Variants in POLR1C observed in about 807,000 individuals in gnomAD.
The protein encoded by POLR1C is DNA-directed RNA polymerases I and III subunit RPAC1.
In POLR1C, 42 loss-of-function variants were observed where a neutral mutation model predicts 38.3. That is an observed-to-expected ratio of 1.10 (90% CI 0.86 to 1.42). POLR1C has a LOEUF of 1.42. Ranked by LOEUF, POLR1C falls within the 40% of genes most tolerant of loss-of-function variation. POLR1C has a pLI of 0.00. For synonymous variants in POLR1C, 163 were observed against 163.9 expected, an observed-to-expected ratio of 0.99 and a Z score of 0.04; for missense variants, 507 against 450.5, an observed-to-expected ratio of 1.13 and a Z score of -1.14.
chr6:43,539,640 G>A (rs1471321614), intron 9 of POLR1C: 16 of 1,316,998 alleles, frequency 1.2e-5, no homozygotes, highest in Middle Eastern at 5.1e-4. Flanking sequence ...AAGCCACCGC[G>A]GTTCCCCATC....
chr6:43,534,055 G>GA (rs746121916), downstream of POLR1C: 2 of 1,454,528 alleles, frequency 1.4e-6, no homozygotes, highest in Non-Finnish European at 1.9e-6. Flanking sequence ...GATGCAGAAG[G>GA]AAAGAGTGGG....
chr6:43,539,783 G>C, intron 9 of POLR1C: 1 of 578,514 alleles, frequency 1.7e-6, no homozygotes, highest in South Asian at 2.3e-5. Context: ...TCTGTTCCTT[G>C]AAGGTCTGGG....
chr6:43,544,933 C>T (rs1285247334), intron 9 of POLR1C, among the ~76,000 whole-genome samples: 2 of 152,058 alleles, frequency 1.3e-5, no homozygotes, highest in African/African-American at 2.4e-5. Flanking sequence ...AGTGCAGTGG[C>T]GTGATCTTAG....
At chr6:43,562,081 C>G (rs1044293479) in exon 11 of POLR1C, 8 of 509,836 alleles carry the variant, frequency 1.6e-5, no homozygotes, top group Non-Finnish European at 2.1e-5. Context: ...CACTCAAACA[C>G]TATTCTATTA....
At chr6:43,519,518 C>T in intron 3 of POLR1C, 78 bp downstream of exon 3, 1 of 1,355,300 alleles carries the variant, frequency 7.4e-7, no homozygotes. Context: ...TTAAGTGTCT[C>T]AAGCTGTCCT....
In POLR1C at chr6:43,526,569, T is replaced by C. The variant is rs1282376015; in HGVS notation, c.923-2680T>C. 2.6e-6 allele frequency: 3 copies of C among 1,169,800 alleles called. No individual in the cohort carries two copies. The East Asian group carries it at 7.6e-5, about 30-fold the overall frequency. The allele number at this position is 1,169,800 out of a possible 1,614,324, so 72.5% of individuals were successfully genotyped here. A position where few individuals can be genotyped will look rare whatever the true frequency, so the allele number is the denominator to read the frequency against. On this transcript the variant is annotated intron_variant, in intron 8 of 8. Coordinates refer to the POLR1C transcript ENST00000304004. Reference sequence around the variant, plus strand: ...AGCAAGAGGGCTGGTCCAGAGATGATAACTACATGTAGGGTGTCTTCTCCT... The same window carrying C: ...AGCAAGAGGGCTGGTCCAGAGATGACAACTACATGTAGGGTGTCTTCTCCT...
rs371057107 is a variant in POLR1C at position 43,520,560 on chromosome 6, TAGG to T, written c.656-59_656-57del. 2,161 of 1,605,452 alleles carry T rather than the reference TAGG, an allele frequency of 1.3e-3. 19 individuals are homozygous for T. The African/African-American group carries it at 0.023, about 17-fold the overall frequency. On this transcript the variant is annotated intron_variant, in intron 6 of 8. Transcript: ENST00000642195. ...GGTTGTGCTTTTGCTGTTAGTAGCTTAGGAGGAGTATTCTTCCTAACCCTAGAA... is the reference window on the plus strand; with the variant it reads ...GGTTGTGCTTTTGCTGTTAGTAGCTTAGGAGTATTCTTCCTAACCCTAGAA...
intron 9 of POLR1C, among the ~76,000 whole-genome samples, chr6:43,539,904 T>C (rs1365570034): frequency 1.3e-5 from 2 of 152,238 alleles, no homozygotes; most frequent in African/African-American, 4.8e-5. Flanking sequence ...CTTGTTGAGT[T>C]AGAATAAGTT....
intron 9 of POLR1C, among the ~76,000 whole-genome samples, chr6:43,536,685 G>A (rs374223202): frequency 4.9e-5 from 7 of 141,498 alleles, no homozygotes; most frequent in Admixed American, 2.9e-4. Flanking sequence ...GCTTGAACCC[G>A]GGAGGCAGAG....
downstream of POLR1C, chr6:43,526,207 A>T (rs1793577880): frequency 2.2e-6 from 1 of 446,130 alleles, no homozygotes; most frequent in African/African-American, 2.0e-5. Flanking sequence ...TGAGCACCAG[A>T]CACTGATTTA....
downstream of POLR1C, chr6:43,525,761 C>T (rs942520963): frequency 4.8e-6 from 7 of 1,456,388 alleles, no homozygotes; most frequent in Non-Finnish European, 5.6e-6. Flanking sequence ...CTCTTGATAG[C>T]ACCATAGAGC....
At chr6:43,543,504 T>A (rs1456616047) in intron 9 of POLR1C, among the ~76,000 whole-genome samples, 3 of 152,028 alleles carry the variant, frequency 2.0e-5, no homozygotes, top group African/African-American at 7.3e-5. Context: ...AGAATAGTAG[T>A]TATCTTTGAG....
At chr6:43,562,063 ATT>A (rs1180481705) in exon 11 of POLR1C, 1 of 453,890 alleles carries the variant, frequency 2.2e-6, no homozygotes, top group East Asian at 3.4e-5. Context: ...GTTAAAAGAA[ATT>A]TAGATCACTC....
intron 10 of POLR1C, among the ~76,000 whole-genome samples, chr6:43,559,310 G>A (rs1762280126): frequency 6.6e-6 from 1 of 152,090 alleles, no homozygotes; most frequent in African/African-American, 2.4e-5. Flanking sequence ...AAAAAACACA[G>A]AACACCAGTG....
downstream of POLR1C, chr6:43,534,083 T>G: frequency 8.7e-7 from 1 of 1,153,054 alleles, no homozygotes; most frequent in South Asian, 1.2e-5. Context: ...TGTAATCCAG[T>G]GATACTACAG....
At chr6:43,538,184 C>T (rs556234799) in intron 9 of POLR1C, among the ~76,000 whole-genome samples, 45 of 102,480 alleles carry the variant, frequency 4.4e-4, no homozygotes, top group African/African-American at 1.4e-3. Context: ...GAGATTTGCT[C>T]TGTCGCTCAG....
intron 10 of POLR1C, among the ~76,000 whole-genome samples, chr6:43,554,707 G>C (rs1761949798): frequency 6.6e-6 from 1 of 152,174 alleles, no homozygotes; most frequent in African/African-American, 2.4e-5. Context: ...ACAGGCGTGA[G>C]CCACCCTGCC....
downstream of POLR1C, chr6:43,521,673 C>G (rs1246189363): frequency 9.1e-6 from 3 of 330,328 alleles, no homozygotes; most frequent in African/African-American, 6.5e-5. Flanking sequence ...AGGCATGCAC[C>G]ACCACACCTA....
In POLR1C at chr6:43,520,945, C is replaced by T. The variant is rs1391111211; in HGVS notation, c.819C>T (p.Ala273=). ...TGTTCTCATTAGGTAAAAAGGTGGC[C>T]AGAGTTGCCAACCCCCGGCTGGATA... The part of the protein sequence containing the change: ...EVQEVQGKKV[A]RVANPRLDTF... Residue 273 remains alanine, a synonymous_variant, in exon 8 of 9, where the codon GCC becomes GCT. Coordinates refer to ENST00000642195, the MANE Select transcript of POLR1C (RefSeq NM_203290.4). 3 of 1,614,026 alleles carry T rather than the reference C, an allele frequency of 1.9e-6. No individual in the cohort carries two copies. The highest frequency in any genetic ancestry group is 1.1e-5 in the South Asian group (1 of 91,080).
Sources: allele counts gnomAD v4.1 joint callset (sites outside exome capture counted in the v4.1 genomes callset), GRCh38; gene constraint gnomAD v4.1.1; transcripts MANE v1.5; gene names NCBI Gene and HGNC (gene_info 2026-07-23, HGNC 2026-07-21).